The following HCN1 variants were observed in gnomAD, a reference collection of about 807,000 sequenced individuals.
HCN1 encodes hyperpolarization activated cyclic nucleotide gated potassium channel 1.
Under a neutral mutation model 78.9 loss-of-function variants are expected in HCN1, and 13 were observed. The ratio of observed to expected loss-of-function variants is 0.16; its 90% CI spans 0.11 to 0.26. The LOEUF (loss-of-function observed/expected upper bound fraction) is 0.26. Ranked by LOEUF, HCN1 falls within the 10% of genes least tolerant of loss-of-function variation. The pLI, the probability that HCN1 is intolerant of heterozygous loss-of-function variation, is 1.00. For synonymous variants in HCN1, 552 were observed against 455.5 expected, an observed-to-expected ratio of 1.21 and a Z score of -2.70; for missense variants, 810 against 1,154.3, an observed-to-expected ratio of 0.70 and a Z score of 4.32.
chr5:45,668,742 A>G (rs2112072129), intron 1 of HCN1, among the ~76,000 whole-genome samples: 1 of 152,074 alleles, frequency 6.6e-6, no homozygotes, highest in South Asian at 2.1e-4. Flanking sequence ...TTCTGTGACA[A>G]GAACTTGACG....
At chr5:45,537,158 T>C (rs1742982421) in intron 2 of HCN1, among the ~76,000 whole-genome samples, 1 of 152,142 alleles carries the variant, frequency 6.6e-6, no homozygotes, top group South Asian at 2.1e-4. Context: ...AAGACTGTAA[T>C]AGGGTACTGC....
intron 5 of HCN1, among the ~76,000 whole-genome samples, chr5:45,313,396 T>C (rs1437787490): frequency 6.6e-6 from 1 of 151,910 alleles, no homozygotes; most frequent in Non-Finnish European, 1.5e-5. Flanking sequence ...CAAAGGTAGA[T>C]AAAACCACAA....
chr5:45,655,588 C>T (rs1745748276), intron 1 of HCN1, among the ~76,000 whole-genome samples: 2 of 152,082 alleles, frequency 1.3e-5, no homozygotes, highest in Admixed American at 1.3e-4. Context: ...AGGTGGTTTA[C>T]ACAACTCTTT....
chr5:45,633,372 C>G (rs1288601049), intron 2 of HCN1, among the ~76,000 whole-genome samples: 2 of 151,792 alleles, frequency 1.3e-5, no homozygotes, highest in African/African-American at 4.8e-5. Flanking sequence ...CTTTTTATTT[C>G]AATTGACTAA....
At chr5:45,377,926 T>A (rs1239076338) in intron 4 of HCN1, among the ~76,000 whole-genome samples, 1 of 151,906 alleles carries the variant, frequency 6.6e-6, no homozygotes, top group African/African-American at 2.4e-5. Flanking sequence ...CAGATGATAT[T>A]AAGAAAGGGG....
chr5:45,512,935 C>T (rs546615193), intron 2 of HCN1, among the ~76,000 whole-genome samples: 5 of 152,110 alleles, frequency 3.3e-5, no homozygotes, highest in Admixed American at 3.3e-4. Context: ...TTTATCAACG[C>T]CCATTTACTA....
chr5:45,542,191 T>A (rs1327903764), intron 2 of HCN1, among the ~76,000 whole-genome samples: 6 of 152,192 alleles, frequency 3.9e-5, no homozygotes, highest in Non-Finnish European at 4.4e-5. Flanking sequence ...ACATTTTTCC[T>A]TCCTAACCAG....
chr5:45,511,583 T>C lies in HCN1; in HGVS notation c.850-49576A>G, dbSNP rs535750128. Among the ~76,000 whole-genome samples, 20 of 152,168 alleles carry C rather than the reference T, an allele frequency of 1.3e-4. 1 individual carries two copies. The highest frequency in any genetic ancestry group is 4.8e-4 in the African/African-American group (20 of 41,562). On this transcript the variant is annotated intron_variant, in intron 2 of 7. Transcript: ENST00000303230. ...TTCTCCCAAAGACTTACAACCCCTT[T>C]GTAACAATACAAAAATCAGACAAAC...
intron 5 of HCN1, among the ~76,000 whole-genome samples, chr5:45,325,124 C>T (rs1036901472): frequency 6.6e-6 from 1 of 151,588 alleles, no homozygotes; most frequent in African/African-American, 2.4e-5. Context: ...CTGAGGTAGA[C>T]AAGGAGAAAA....
intron 2 of HCN1, among the ~76,000 whole-genome samples, chr5:45,474,761 AATC>A (rs1371498458): frequency 2.0e-5 from 3 of 152,002 alleles, no homozygotes. Context: ...TGGGTTATAC[AATC>A]ATTATCATCA....
intron 3 of HCN1, among the ~76,000 whole-genome samples, chr5:45,438,207 A>C (rs938772980): frequency 3.3e-5 from 5 of 152,198 alleles, no homozygotes; most frequent in Admixed American, 1.3e-4. Flanking sequence ...ATGTTAACAC[A>C]TCCAATTTTG....
At chr5:45,460,874 C>G (rs1184101845) in intron 3 of HCN1, among the ~76,000 whole-genome samples, 1 of 149,628 alleles carries the variant, frequency 6.7e-6, no homozygotes, top group Non-Finnish European at 1.5e-5. Flanking sequence ...CATGTAATTT[C>G]TACAAAAATA....
chr5:45,584,253 T>A (rs1288137045), intron 2 of HCN1, among the ~76,000 whole-genome samples: 1 of 152,188 alleles, frequency 6.6e-6, no homozygotes, highest in East Asian at 1.9e-4. Flanking sequence ...TTAGCTCTTC[T>A]TGTTGAATTG....
chr5:45,426,611 G>A (rs1014329342), intron 3 of HCN1, among the ~76,000 whole-genome samples: 2 of 152,064 alleles, frequency 1.3e-5, no homozygotes, highest in African/African-American at 4.8e-5. Context: ...TGATTGTGAG[G>A]CCTCCTCAGC....
intron 2 of HCN1, among the ~76,000 whole-genome samples, chr5:45,585,762 AG>A (rs1477993511): frequency 1.3e-5 from 2 of 152,162 alleles, no homozygotes; most frequent in Admixed American, 1.3e-4. Context: ...CCTCAGCTGC[AG>A]GTCTGCTGGA....
In HCN1 at chr5:45,259,137, C is replaced by A. The variant is rs1744679754; in HGVS notation, c.*2784G>T. Reference sequence around the variant, plus strand: ...AATATAATTGATTTTATGTGATTATCAAGTATAAGCTCTTGGAAATTTTAT... The same window carrying A: ...AATATAATTGATTTTATGTGATTATAAAGTATAAGCTCTTGGAAATTTTAT... On this transcript the variant is annotated 3_prime_UTR_variant, in exon 8 of 8. Transcript: ENST00000303230. 6.6e-6 allele frequency: 1 copy of A among 151,816 alleles called. No individual in the cohort carries two copies. The highest frequency in any genetic ancestry group is 1.5e-5 in the Non-Finnish European group (1 of 67,868). The allele number at this position is 151,816 out of a possible 1,614,324, so 9.4% of individuals were successfully genotyped here.
At chr5:45,348,460 A>G (rs531995557) in intron 5 of HCN1, among the ~76,000 whole-genome samples, 1 of 152,320 alleles carries the variant, frequency 6.6e-6, no homozygotes, top group Admixed American at 6.5e-5. Context: ...TGCATCAACT[A>G]ACAAGCAAAA....
At chr5:45,374,725 C>T (rs1747564631) in intron 4 of HCN1, among the ~76,000 whole-genome samples, 1 of 149,896 alleles carries the variant, frequency 6.7e-6, no homozygotes, top group African/African-American at 2.4e-5. Flanking sequence ...GCTTGATGAA[C>T]ACAGATACAA....
intron 1 of HCN1, among the ~76,000 whole-genome samples, chr5:45,674,937 A>G (rs1224451876): frequency 6.6e-6 from 1 of 151,698 alleles, no homozygotes; most frequent in Non-Finnish European, 1.5e-5. Flanking sequence ...AACTATTTAA[A>G]ATAAAAATAA....
Sources: allele counts gnomAD v4.1 joint callset (sites outside exome capture counted in the v4.1 genomes callset), GRCh38; gene constraint gnomAD v4.1.1; transcripts MANE v1.5; gene names NCBI Gene and HGNC (gene_info 2026-07-23, HGNC 2026-07-21).